SLC9A9: variants seen among roughly 807,000 people sequenced by gnomAD.
SLC9A9 encodes sodium/hydrogen exchanger 9.
Under a neutral mutation model 77.8 loss-of-function variants are expected in SLC9A9, and 62 were observed. The observed-to-expected ratio is 0.80, with a 90% confidence interval of 0.65 to 0.98. SLC9A9 has a LOEUF of 0.98. Among genes scored for constraint, SLC9A9 ranks in the 50% least tolerant of loss-of-function variants. The pLI, the probability that SLC9A9 is intolerant of heterozygous loss-of-function variation, is 0.00. For synonymous variants in SLC9A9, 320 were observed against 283.5 expected, an observed-to-expected ratio of 1.13 and a Z score of -1.29; for missense variants, 775 against 774.9, an observed-to-expected ratio of 1.00 and a Z score of 0.00.
chr3:143,711,579 A>AT (rs35110625), intron 4 of SLC9A9, among the ~76,000 whole-genome samples: 47,227 of 134,120 alleles, frequency 0.35, 8,485 homozygotes, highest in East Asian at 0.56. Flanking sequence ...TAAAAAAAAA[A>AT]TTTTTTTTTT....
intron 14 of SLC9A9, among the ~76,000 whole-genome samples, chr3:143,343,900 G>GC (rs1225341628): frequency 6.6e-6 from 1 of 152,120 alleles, no homozygotes; most frequent in African/African-American, 2.4e-5. Context: ...TAACCAGCTT[G>GC]CAAGTTATGG....
intron 9 of SLC9A9, among the ~76,000 whole-genome samples, chr3:143,530,648 C>CAAA (rs954086354): frequency 1.4e-5 from 2 of 146,934 alleles, no homozygotes; most frequent in African/African-American, 5.0e-5. Context: ...AAAAACAAAA[C>CAAA]AAAACAAAAC....
chr3:143,388,531 C>T (rs887170630), intron 12 of SLC9A9, among the ~76,000 whole-genome samples: 4 of 152,076 alleles, frequency 2.6e-5, no homozygotes, highest in Non-Finnish European at 4.4e-5. Flanking sequence ...ATTTCATGAG[C>T]TATTATAAGG....
intron 4 of SLC9A9, among the ~76,000 whole-genome samples, chr3:143,740,950 G>A (rs79462932): frequency 6.6e-6 from 1 of 152,158 alleles, no homozygotes; most frequent in Admixed American, 6.5e-5. Context: ...TCAGCAAGGG[G>A]AGGAGGCTAG....
chr3:143,570,137 T>C (rs2037234862), intron 8 of SLC9A9, among the ~76,000 whole-genome samples: 1 of 152,014 alleles, frequency 6.6e-6, no homozygotes, highest in Non-Finnish European at 1.5e-5. Context: ...GTAACTGAAC[T>C]ACAATGTGAC....
At chr3:143,425,598 A>G (rs924276392) in intron 12 of SLC9A9, among the ~76,000 whole-genome samples, 7 of 152,092 alleles carry the variant, frequency 4.6e-5, no homozygotes, top group Non-Finnish European at 7.4e-5. Context: ...AATGAAATAT[A>G]AGGGGCTGTT....
intron 12 of SLC9A9, among the ~76,000 whole-genome samples, chr3:143,413,645 T>C (rs1220428841): frequency 1.3e-5 from 2 of 152,188 alleles, no homozygotes; most frequent in Non-Finnish European, 2.9e-5. Context: ...GGCTGTCAGC[T>C]CTGTCCTTGA....
At chr3:143,808,098 G>A (rs1346784751) in intron 2 of SLC9A9, among the ~76,000 whole-genome samples, 2 of 152,196 alleles carry the variant, frequency 1.3e-5, no homozygotes, top group Non-Finnish European at 2.9e-5. Context: ...AACAGGAAAG[G>A]GAGAAATCAC....
chr3:143,827,626 A>G (rs1291793516), intron 2 of SLC9A9, among the ~76,000 whole-genome samples: 1 of 152,180 alleles, frequency 6.6e-6, no homozygotes, highest in Non-Finnish European at 1.5e-5. Context: ...GTCTCTAAGC[A>G]CGTCAATGCC....
In SLC9A9 at chr3:143,266,435, C is replaced by T; in HGVS notation, c.*267G>A. 1 of 556,254 alleles carries T rather than the reference C, an allele frequency of 1.8e-6. No homozygotes were observed. Among genetic ancestry groups the T allele is most frequent in the Non-Finnish European group, 3.2e-6 (1 of 311,098 alleles). The allele number at this position is 556,254 out of a possible 1,614,324, so 34.5% of individuals were successfully genotyped here. On this transcript the variant is annotated 3_prime_UTR_variant, in exon 16 of 16. Transcript: ENST00000316549. Reference sequence around the variant, plus strand: ...GCTGTCCCATCCTCCAGCAGCTAGACTCCTGATACCTCCATCCCCACCCCA... The same window carrying T: ...GCTGTCCCATCCTCCAGCAGCTAGATTCCTGATACCTCCATCCCCACCCCA...
chr3:143,266,480 T>C lies in SLC9A9; in HGVS notation c.*222A>G, dbSNP rs1395077164. 1 of 588,238 alleles carries C rather than the reference T, an allele frequency of 1.7e-6. No individual in the cohort carries two copies. Among genetic ancestry groups the C allele is most frequent in the East Asian group, 3.0e-5 (1 of 33,240 alleles). The allele number at this position is 588,238 out of a possible 1,614,324, so 36.4% of individuals were successfully genotyped here. ...ACCCCAGCCAATCCAGTAATCAGAA[T>C]GGCTGCTGTCAAAAAACTAAATTCA... is the stretch of plus-strand genomic sequence containing the variant. On this transcript the variant is annotated 3_prime_UTR_variant, in exon 16 of 16. Coordinates refer to ENST00000316549, the MANE Select transcript of SLC9A9 (RefSeq NM_173653.4).
At chr3:143,573,520 C>T (rs2037304279) in intron 8 of SLC9A9, among the ~76,000 whole-genome samples, 1 of 152,066 alleles carries the variant, frequency 6.6e-6, no homozygotes, top group African/African-American at 2.4e-5. Flanking sequence ...CGAACTGCCC[C>T]CTTTCTATCA....
rs16853764 is a variant in SLC9A9, at chr3:143,534,032, C to T, written c.1089+18330G>A. ...TGGTAAAAAGTGGGTATAATAATCA[C>T]CTTGCCCATATTTCACTTAAAAACT... On this transcript the variant is annotated intron_variant, in intron 9 of 15. Transcript: ENST00000316549. Among the ~76,000 whole-genome samples, 535 of 152,264 alleles carry T rather than the reference C, an allele frequency of 3.5e-3. 2 individuals carry two copies. Among genetic ancestry groups the T allele is most frequent in the Non-Finnish European group, 5.7e-3 (387 of 68,022 alleles).
At chr3:143,657,971 A>ATTC (rs1316973568) in intron 5 of SLC9A9, among the ~76,000 whole-genome samples, 2 of 152,016 alleles carry the variant, frequency 1.3e-5, no homozygotes, top group Non-Finnish European at 2.9e-5. Flanking sequence ...GGCTCAAGTG[A>ATTC]TTCTCCTGCC....
chr3:143,473,817 C>A (rs765924861), intron 11 of SLC9A9, among the ~76,000 whole-genome samples: 1 of 152,160 alleles, frequency 6.6e-6, no homozygotes, highest in South Asian at 2.1e-4. Context: ...GCTTTCAAAT[C>A]GAACTACTGT....
intron 14 of SLC9A9, among the ~76,000 whole-genome samples, chr3:143,353,377 A>G (rs2032514174): frequency 6.6e-6 from 1 of 152,170 alleles, no homozygotes; most frequent in Non-Finnish European, 1.5e-5. Context: ...TTCTGCCCTC[A>G]TGAATGGGAT....
intron 5 of SLC9A9, among the ~76,000 whole-genome samples, chr3:143,681,601 G>A (rs1302791062): frequency 3.3e-5 from 5 of 152,218 alleles, no homozygotes; most frequent in African/African-American, 1.2e-4. Flanking sequence ...TGCAACTAAC[G>A]TTGCTGAGTT....
chr3:143,725,308 C>G (rs1424785618), intron 4 of SLC9A9, among the ~76,000 whole-genome samples: 3 of 152,000 alleles, frequency 2.0e-5, no homozygotes, highest in Non-Finnish European at 4.4e-5. Flanking sequence ...CTAGTTCAAC[C>G]ATTGTGGAAG....
intron 1 of SLC9A9, among the ~76,000 whole-genome samples, chr3:143,838,463 C>T (rs1352794877): frequency 2.0e-5 from 3 of 151,910 alleles, no homozygotes; most frequent in Non-Finnish European, 2.9e-5. Flanking sequence ...AAGAATCGAG[C>T]GAGTTCCTTG....
Sources: gnomAD v4.1 joint callset for allele counts (sites outside exome capture counted in the v4.1 genomes callset) on GRCh38, gnomAD v4.1.1 for gene constraint, MANE v1.5 for transcripts, NCBI Gene and HGNC (gene_info 2026-07-23, HGNC 2026-07-21) for gene names.